Variants in HMCES observed in about 807,000 individuals in gnomAD.
The protein encoded by HMCES is abasic site processing protein HMCES.
A neutral mutation model predicts 35.1 loss-of-function variants in HMCES; 27 were observed. That is an observed-to-expected ratio of 0.77 (90% CI 0.57 to 1.06). The LOEUF (loss-of-function observed/expected upper bound fraction) is 1.06, where lower values mean the gene tolerates loss of function less well. HMCES is among the 50% of genes least tolerant of loss of function. HMCES has a pLI of 0.00. For synonymous variants in HMCES, 130 were observed against 154.7 expected, an observed-to-expected ratio of 0.84 and a Z score of 1.18; for missense variants, 391 against 430.4, an observed-to-expected ratio of 0.91 and a Z score of 0.81.
chr3:129,286,734 A>G (rs756066468), intron 2 of HMCES, among the ~76,000 whole-genome samples: 56 of 151,630 alleles, frequency 3.7e-4, no homozygotes, highest in Admixed American at 1.4e-3. Context: ...TTTTTTTTAA[A>G]TCTTTTGGAT....
chr3:129,290,934 G>A, intron 4 of HMCES, 130 bp downstream of exon 4: 1 of 865,552 alleles, frequency 1.2e-6, no homozygotes, highest in Non-Finnish European at 1.7e-6. Context: ...CCAGTGCGGT[G>A]GCTCACGCCT....
intron 2 of HMCES, among the ~76,000 whole-genome samples, chr3:129,282,813 T>TCCCC (rs1940534814): frequency 2.0e-5 from 3 of 152,222 alleles, no homozygotes; most frequent in African/African-American, 7.2e-5. Flanking sequence ...TGCTACCAGG[T>TCCCC]GTTCTGTTCA....
rs1225234170 is a variant in HMCES at position 129,304,637 on chromosome 3, A to G, written c.877A>G (p.Thr293Ala). ...SSQRMLQWLA[T>A]KSPKKEDSKT... is the part of the protein sequence containing the mutation. Reference sequence around the variant, plus strand: ...CCAGAGGATGTTGCAGTGGTTGGCCACAAAGTCACCCAAAAAGGAAGACTC... The same window carrying G: ...CCAGAGGATGTTGCAGTGGTTGGCCGCAAAGTCACCCAAAAAGGAAGACTC... Residue 293 changes from threonine to alanine, a missense_variant, in exon 7 of 7, where the codon ACA becomes GCA. Transcript: ENST00000383463. 2 of 1,614,104 alleles carry G rather than the reference A, an allele frequency of 1.2e-6. No individual in the cohort carries two copies. Among genetic ancestry groups the G allele is most frequent in the Non-Finnish European group, 1.7e-6 (2 of 1,180,056 alleles).
At chr3:129,281,926 CAA>C (rs553350109) in intron 2 of HMCES, among the ~76,000 whole-genome samples, 3,149 of 71,540 alleles carry the variant, frequency 0.044, 75 homozygotes, top group African/African-American at 0.13. Context: ...GACTCAGTCT[CAA>C]AAAAAAAAAA....
intron 5 of HMCES, among the ~76,000 whole-genome samples, chr3:129,301,438 C>T (rs1258603057): frequency 1.3e-5 from 2 of 148,774 alleles, no homozygotes; most frequent in Non-Finnish European, 3.0e-5. Context: ...TGCCACACTG[C>T]ATTGGCCTGG....
chr3:129,290,608 C>A (rs2071001359), intron 3 of HMCES, 71 bp from the exon 4 acceptor site: 2 of 1,512,220 alleles, frequency 1.3e-6, no homozygotes, highest in East Asian at 4.9e-5. Context: ...AATTCAAGTT[C>A]TCCAAGTAAT....
chr3:129,298,038 A>C (rs2071114809), intron 4 of HMCES, among the ~76,000 whole-genome samples: 1 of 152,170 alleles, frequency 6.6e-6, no homozygotes, highest in Non-Finnish European at 1.5e-5. Context: ...ATTGCATGAG[A>C]GCTTCATTTA....
rs1429305662 is a variant in HMCES at position 129,278,901 on chromosome 3, G to C, written c.-28G>C. 2 of 152,234 alleles carry C rather than the reference G, an allele frequency of 1.3e-5. No individual in the cohort carries two copies. The highest frequency in any genetic ancestry group is 2.9e-5 in the Non-Finnish European group (2 of 68,344). The allele number at this position is 152,234 out of a possible 1,614,324, so 9.4% of individuals were successfully genotyped here. ...GAGGGAGGTGACGCGCGCTGCCGGG[G>C]CGAGGTGAGGGGAGGGGAGGCGACG... On this transcript the variant is annotated 5_prime_UTR_variant, in exon 1 of 7. Coordinates refer to ENST00000383463, the MANE Select transcript of HMCES (RefSeq NM_020187.3).
intron 2 of HMCES, among the ~76,000 whole-genome samples, chr3:129,288,060 A>AAAAAAT (rs1940686870): frequency 6.6e-6 from 1 of 152,230 alleles, no homozygotes; most frequent in Admixed American, 6.5e-5. Context: ...CCGTCTCAAA[A>AAAAAAT]AAAAATAAAA....
rs2071224061 is a variant in HMCES, at chr3:129,305,632, CAA to C, written c.*810_*811del. On this transcript the variant is annotated 3_prime_UTR_variant, in exon 7 of 7. Coordinates refer to ENST00000383463, the MANE Select transcript of HMCES (RefSeq NM_020187.3). The stretch of plus-strand genomic sequence containing the variant: ...CGAACATCCCTAAGGGAGGCATTCA[CAA>C]AAGCTGTCCCAAGCAGCTGGAAGAA... 9 of 152,310 alleles carry C rather than the reference CAA, an allele frequency of 5.9e-5. No individual in the cohort carries two copies. The highest frequency in any genetic ancestry group is 5.9e-4 in the Admixed American group (9 of 15,306). 9.4% of individuals were successfully genotyped at this position (152,310 alleles called of 1,614,324 possible).
At chr3:129,298,785 A>C (rs1295234056) in intron 5 of HMCES, among the ~76,000 whole-genome samples, 1 of 152,178 alleles carries the variant, frequency 6.6e-6, no homozygotes. Context: ...TGACACATTA[A>C]AAAAATAATG....
At chr3:129,304,535 C>T (rs976388591) in intron 6 of HMCES, 54 bp from the exon 7 acceptor site, 14 of 1,490,992 alleles carry the variant, frequency 9.4e-6, no homozygotes, top group Non-Finnish European at 1.3e-5. Flanking sequence ...TTGGACTTGG[C>T]CTTTTCCCAA....
intron 3 of HMCES, among the ~76,000 whole-genome samples, chr3:129,289,336 GA>G (rs1339754928): frequency 6.6e-6 from 1 of 152,178 alleles, no homozygotes; most frequent in Non-Finnish European, 1.5e-5. Context: ...CTTCAGCTGG[GA>G]TGACTAGAAC....
rs952982374 is a variant in HMCES at position 129,304,476 on chromosome 3, T to G, written c.829-113T>G. 7.1e-5 allele frequency: 64 copies of G among 896,156 alleles called. No homozygotes were observed. In the Admixed American group the frequency reaches 1.3e-3, roughly 19 times the overall value. The allele number at this position is 896,156 out of a possible 1,614,324, so 55.5% of individuals were successfully genotyped here. A position where few individuals can be genotyped will look rare whatever the true frequency, so the allele number is the denominator to read the frequency against. ...GGGCCCCAGCTGGCCCTTAGTAACA[T>G]TTTCCAAGCCTGGGTAAGTACCTAA... On this transcript the variant is annotated intron_variant, in intron 6 of 6. Coordinates refer to ENST00000383463, the MANE Select transcript of HMCES (RefSeq NM_020187.3).
chr3:129,305,954 C>T lies in HMCES; in HGVS notation c.*1129C>T, dbSNP rs1347793552. 1.3e-5 allele frequency: 2 copies of T among 152,344 alleles called. No homozygotes were observed. The highest frequency in any genetic ancestry group is 2.9e-5 in the Non-Finnish European group (2 of 68,118). The allele number at this position is 152,344 out of a possible 1,614,324, so 9.4% of individuals were successfully genotyped here. On this transcript the variant is annotated 3_prime_UTR_variant, in exon 7 of 7. Coordinates refer to ENST00000383463, the MANE Select transcript of HMCES (RefSeq NM_020187.3). The stretch of plus-strand genomic sequence containing the variant: ...GACCCTTTCCCGAGGTCCGCCCTCT[C>T]CGCCTTTTCTCTAAATTCCTCTTTT...
chr3:129,304,487 TG>T, intron 6 of HMCES, 101 bp from the exon 7 acceptor site: 2 of 965,112 alleles, frequency 2.1e-6, no homozygotes, highest in Non-Finnish European at 3.2e-6. Context: ...TTTCCAAGCC[TG>T]GGTAAGTACC....
At chr3:129,304,043 C>A (rs1336355736) in intron 6 of HMCES, among the ~76,000 whole-genome samples, 1 of 152,168 alleles carries the variant, frequency 6.6e-6, no homozygotes, top group East Asian at 1.9e-4. Flanking sequence ...CTGTACCTAG[C>A]CCTGCCATGG....
intron 2 of HMCES, among the ~76,000 whole-genome samples, chr3:129,288,044 G>A (rs372864141): frequency 2.0e-5 from 3 of 152,026 alleles, no homozygotes; most frequent in African/African-American, 7.2e-5. Context: ...GCAACAGAGC[G>A]AGACTCCGTC....
At chr3:129,285,957 T>C (rs564570462) in intron 2 of HMCES, among the ~76,000 whole-genome samples, 1 of 151,864 alleles carries the variant, frequency 6.6e-6, no homozygotes, top group East Asian at 1.9e-4. Flanking sequence ...CTCAAACTCC[T>C]GACCTGAGGT....
Sources: gnomAD v4.1 joint callset for allele counts (sites outside exome capture counted in the v4.1 genomes callset) on GRCh38, gnomAD v4.1.1 for gene constraint, MANE v1.5 for transcripts, NCBI Gene and HGNC (gene_info 2026-07-23, HGNC 2026-07-21) for gene names.